PDGFB: variants seen among roughly 807,000 people sequenced by gnomAD.
PDGFB encodes platelet-derived growth factor subunit B.
Under a neutral mutation model 29.0 loss-of-function variants are expected in PDGFB, and 6 were observed. The ratio of observed to expected loss-of-function variants is 0.21; its 90% CI spans 0.11 to 0.41. The LOEUF is 0.41. PDGFB is among the 10% of genes least tolerant of loss of function. PDGFB has a pLI of 1.00. For synonymous variants in PDGFB, 144 were observed against 140.8 expected (o/e 1.02, Z -0.16); for missense variants, 299 against 341.8 (o/e 0.87, Z 0.99).
At chr22:39,228,979 T>C (rs1307772705) in intron 5 of PDGFB, among the ~76,000 whole-genome samples, 1 of 151,794 alleles carries the variant, frequency 6.6e-6, no homozygotes, top group Non-Finnish European at 1.5e-5. Flanking sequence ...ACATGTCAGT[T>C]TGAAGCTGTC....
rs117396842 is a variant in PDGFB, at chr22:39,227,882, C to T, written c.602-2035G>A. Reference sequence around the variant, plus strand: ...GGCAGCTCTCCCATCTCTGCAATTGCGCAGATTTTCTAGCAGTTCAGGGAC... The same window carrying T: ...GGCAGCTCTCCCATCTCTGCAATTGTGCAGATTTTCTAGCAGTTCAGGGAC... On this transcript the variant is annotated intron_variant, in intron 5 of 6. Coordinates refer to ENST00000331163, the MANE Select transcript of PDGFB (RefSeq NM_002608.4). Among the ~76,000 whole-genome samples the T allele has an allele frequency of 1.0e-3, 153 of 152,310 alleles. 1 individual carries two copies. The East Asian group carries it at 0.019, about 19-fold the overall frequency.
Position 39,229,956 on chromosome 22 carries a change from T to C in PDGFB, c.601+128A>G, listed in dbSNP as rs918571138. 8.9e-6 allele frequency: 10 copies of C among 1,118,434 alleles called. No individual in the cohort carries two copies. The African/African-American group carries it at 1.4e-4, about 16-fold the overall frequency. The allele number at this position is 1,118,434 out of a possible 1,614,324, so 69.3% of individuals were successfully genotyped here. A position where few individuals can be genotyped will look rare whatever the true frequency, so the allele number is the denominator to read the frequency against. On this transcript the variant is annotated intron_variant, in intron 5 of 6. Transcript: ENST00000331163. ...GAACCTGGCTTGTGTCTCAGCAAGA[T>C]GAAAAGAAAGCCTCCCGTGAATTTA...
At chr22:39,226,831 A>G (rs4990916) in intron 5 of PDGFB, among the ~76,000 whole-genome samples, 56,281 of 151,742 alleles carry the variant, frequency 0.37, 10,919 homozygotes, top group Middle Eastern at 0.49. Flanking sequence ...ACTCTGAGAA[A>G]TGGTAGAGTG....
chr22:39,240,817 T>C, intron 1 of PDGFB: 1 of 1,609,452 alleles, frequency 6.2e-7, no homozygotes, highest in Non-Finnish European at 8.5e-7. Context: ...GGCTCCTCAA[T>C]GTGGGGAGGG....
At position 39,225,727 on chromosome 22, in the gene PDGFB, G is replaced by C. The variant is rs267606251; in HGVS notation, c.722C>G (p.Ala241Gly). The C allele has an allele frequency of 3.7e-6, 6 of 1,613,582 alleles. No homozygotes were observed. The African/African-American group carries it at 6.7e-5, about 18-fold the overall frequency. The stretch of plus-strand genomic sequence containing the variant: ...CACACTCTCCTGCCGATGCCCCTAG[G>C]CTCCAAGGGTCTCCTTCAGTGCCGT... The part of the protein sequence containing the change: ...DKTALKETLG[A>G] The change falls in exon 6 of 7, where the codon GCC (alanine) becomes GGC (glycine). Residue 241 changes from alanine (A) to glycine (G), a missense_variant. By Grantham distance (60) the Ala-to-Gly change is moderately conservative. Coordinates refer to ENST00000331163, the MANE Select transcript of PDGFB (RefSeq NM_002608.4).
Position 39,240,861 on chromosome 22 carries a change from C to T in PDGFB, c.63+3040G>A, listed in dbSNP as rs759671830. The T allele has an allele frequency of 6.8e-6, 11 of 1,613,622 alleles. No individual in the cohort carries two copies. In the East Asian group the frequency reaches 1.1e-4, roughly 16 times the overall value. ...GACGTGGAGAGGTACTTACGAGGCC[C>T]ATGATAAACATCTCACCATTCCTGC... On this transcript the variant is annotated intron_variant, in intron 1 of 6. Transcript: ENST00000331163.
In PDGFB at chr22:39,243,499, G is replaced by A. The variant is rs1161029947; in HGVS notation, c.63+402C>T. ...CACCTCCTGGGCAAGCCGATGGCAG[G>A]ACAGAGCCTAAGCCGAGGCTGGCGC... On this transcript the variant is annotated intron_variant, in intron 1 of 6. Transcript: ENST00000331163. The surrounding 1 kb of genome is among the most constrained non-coding windows in gnomAD (Gnocchi z 6.4). 6.6e-6 allele frequency among the ~76,000 whole-genome samples: 1 copy of A among 152,186 alleles called. No individual in the cohort carries two copies. The highest frequency in any genetic ancestry group is 1.5e-5 in the Non-Finnish European group (1 of 68,026).
At chr22:39,227,459 T>C (rs1341486632) in intron 5 of PDGFB, among the ~76,000 whole-genome samples, 1 of 152,226 alleles carries the variant, frequency 6.6e-6, no homozygotes, top group Non-Finnish European at 1.5e-5. Context: ...AGACAATACA[T>C]GGAAATGGCC....
chr22:39,227,503 G>A (rs995031236), intron 5 of PDGFB, among the ~76,000 whole-genome samples: 1 of 152,202 alleles, frequency 6.6e-6, no homozygotes, highest in Non-Finnish European at 1.5e-5. Context: ...CCATGTACCT[G>A]GTGCTGTTCT....
Position 39,229,632 on chromosome 22 carries a change from G to A in PDGFB, c.601+452C>T, listed in dbSNP as rs6001510. On this transcript the variant is annotated intron_variant, in intron 5 of 6. Coordinates refer to ENST00000331163, the MANE Select transcript of PDGFB (RefSeq NM_002608.4). The stretch of plus-strand genomic sequence containing the variant: ...CCATCCCCACATCCAACAAAGCAGG[G>A]GGCTATGGTAGCAAGACTGGAAATG... Among the ~76,000 whole-genome samples, 609 of 152,308 alleles carry A rather than the reference G, an allele frequency of 4.0e-3. 5 individuals are homozygous for A. Among genetic ancestry groups the A allele is most frequent in the African/African-American group, 0.014 (589 of 41,556 alleles).
intron 5 of PDGFB, among the ~76,000 whole-genome samples, chr22:39,228,909 G>C (rs568270600): frequency 2.9e-5 from 4 of 139,370 alleles, no homozygotes; most frequent in African/African-American, 1.1e-4. Flanking sequence ...TATATATATA[G>C]ATATATATAA....
At position 39,244,077 on chromosome 22, in the gene PDGFB, A is replaced by T. The variant is rs1157451859; in HGVS notation, c.-114T>A. ...GTGGGCTCGGCTCGGGTCCGCGGCG[A>T]TCAGGCGCTCAGGCCTCTGCAGCCG... is the stretch of plus-strand genomic sequence containing the variant. On this transcript the variant is annotated 5_prime_UTR_variant, in exon 1 of 7. Transcript: ENST00000331163. The surrounding 1 kb of genome is among the most constrained non-coding windows in gnomAD (Gnocchi z 4.5). 2 of 546,292 alleles carry T rather than the reference A, an allele frequency of 3.7e-6. No homozygotes were observed. The highest frequency in any genetic ancestry group is 4.0e-5 in the African/African-American group (2 of 49,536). The allele number at this position is 546,292 out of a possible 1,614,324, so 33.8% of individuals were successfully genotyped here.
intron 5 of PDGFB, among the ~76,000 whole-genome samples, chr22:39,227,360 C>T (rs1403338691): frequency 6.6e-6 from 1 of 152,272 alleles, no homozygotes; most frequent in Non-Finnish European, 1.5e-5. Context: ...TCCCAAAGTG[C>T]TGGGATTACA....
Position 39,243,979 on chromosome 22 carries a change from G to C in PDGFB, c.-16C>G. The C allele has an allele frequency of 6.5e-7, 1 of 1,541,138 alleles. No homozygotes were observed. ...AGCGATTCATGCCGACTCCGGGCCC[G>C]GCCCCGCGGGGCCCCGGACGCGTAG... is the stretch of plus-strand genomic sequence containing the variant. On this transcript the variant is annotated 5_prime_UTR_variant, in exon 1 of 7. Transcript: ENST00000331163. This position sits in a 1 kb window ranked among gnomAD's most constrained non-coding sequence, Gnocchi z 6.4.
At chr22:39,226,551 G>C (rs1486800977) in intron 5 of PDGFB, among the ~76,000 whole-genome samples, 1 of 152,212 alleles carries the variant, frequency 6.6e-6, no homozygotes, top group African/African-American at 2.4e-5. Flanking sequence ...GGGGCCAATA[G>C]AACTGCCCAG....
rs1370718697 is a variant in PDGFB, at chr22:39,244,094, C to G, written c.-131G>C. 7.1e-6 allele frequency: 3 copies of G among 424,702 alleles called. No individual in the cohort carries two copies. Among genetic ancestry groups the G allele is most frequent in the Non-Finnish European group, 1.2e-5 (3 of 258,866 alleles). The allele number at this position is 424,702 out of a possible 1,614,324, so 26.3% of individuals were successfully genotyped here. A position where few individuals can be genotyped will look rare whatever the true frequency, so the allele number is the denominator to read the frequency against. On this transcript the variant is annotated 5_prime_UTR_variant, in exon 1 of 7. Coordinates refer to ENST00000331163, the MANE Select transcript of PDGFB (RefSeq NM_002608.4). This position sits in a 1 kb window ranked among gnomAD's most constrained non-coding sequence, Gnocchi z 4.5. ...CCGCGGCGATCAGGCGCTCAGGCCT[C>G]TGCAGCCGCGGCTCACCCGCATGGC... is the stretch of plus-strand genomic sequence containing the variant.
rs935821403 is a variant in PDGFB, at chr22:39,223,484, C to G, written c.*1858G>C. On this transcript the variant is annotated 3_prime_UTR_variant, in exon 7 of 7. Transcript: ENST00000331163. Reference sequence around the variant, plus strand: ...TCTTCCCGCCAGACAGAGGCCTCCCCCAAGTTGCAGGCCTGCGTGTATGTG... The same window carrying G: ...TCTTCCCGCCAGACAGAGGCCTCCCGCAAGTTGCAGGCCTGCGTGTATGTG... 7.2e-5 allele frequency: 11 copies of G among 152,352 alleles called. No individual in the cohort carries two copies. Among genetic ancestry groups the G allele is most frequent in the Non-Finnish European group, 1.2e-4 (8 of 68,098 alleles). 9.4% of individuals were successfully genotyped at this position (152,352 alleles called of 1,614,324 possible). A position where few individuals can be genotyped will look rare whatever the true frequency, so the allele number is the denominator to read the frequency against.
chr22:39,232,895 T>C (rs1932344526), intron 3 of PDGFB, among the ~76,000 whole-genome samples: 1 of 152,240 alleles, frequency 6.6e-6, no homozygotes, highest in Admixed American at 6.5e-5. Flanking sequence ...TTGCCTCACC[T>C]GGGAGGGTTT....
Position 39,244,253 on chromosome 22 carries a change from C to T in PDGFB, c.-290G>A. Reference sequence around the variant, plus strand: ...GTGAGCATCCACGGCCGGGGGGCTGCGTCGCGAACCAGCCGAGGCGTCTAG... The same window carrying T: ...GTGAGCATCCACGGCCGGGGGGCTGTGTCGCGAACCAGCCGAGGCGTCTAG... On this transcript the variant is annotated 5_prime_UTR_variant, in exon 1 of 7. Coordinates refer to ENST00000331163, the MANE Select transcript of PDGFB (RefSeq NM_002608.4). The surrounding 1 kb of genome is among the most constrained non-coding windows in gnomAD (Gnocchi z 4.5). The T allele has an allele frequency of 4.3e-6, 1 of 235,170 alleles. No individual in the cohort carries two copies. The highest frequency in any genetic ancestry group is 8.3e-6 in the Non-Finnish European group (1 of 120,792). The allele number at this position is 235,170 out of a possible 1,614,324, so 14.6% of individuals were successfully genotyped here.
Sources: gnomAD v4.1 joint callset for allele counts (sites outside exome capture counted in the v4.1 genomes callset) on GRCh38, gnomAD v4.1.1 for gene constraint, Gnocchi (gnomAD v3.1) non-coding constraint, MANE v1.5 for transcripts, NCBI Gene and HGNC (gene_info 2026-07-23, HGNC 2026-07-21) for gene names.